Variants in FAM124A observed in about 807,000 individuals in gnomAD.
FAM124A encodes protein FAM124A.
Under a neutral mutation model 24.5 loss-of-function variants are expected in FAM124A, and 23 were observed. The ratio of observed to expected loss-of-function variants is 0.94; its 90% CI spans 0.68 to 1.33. FAM124A has a LOEUF of 1.33. Ranked by LOEUF, FAM124A falls within the 40% of genes most tolerant of loss-of-function variation. The probability of loss-of-function intolerance (pLI) is 0.00; values close to 1 mark genes in which losing one functional copy is unlikely to be tolerated. For synonymous variants in FAM124A, 287 were observed against 314.7 expected (o/e 0.91, Z 0.93); for missense variants, 623 against 722.8 (o/e 0.86, Z 1.58).
chr13:51,254,544 G>A (rs948299807), intron 3 of FAM124A, among the ~76,000 whole-genome samples: 8 of 152,288 alleles, frequency 5.3e-5, no homozygotes, highest in African/African-American at 1.9e-4. Context: ...GGTAGGGCAG[G>A]GAGGTAGGTG....
intron 2 of FAM124A, among the ~76,000 whole-genome samples, chr13:51,246,412 G>GGGC (rs1566165833): frequency 7.4e-6 from 1 of 135,060 alleles, no homozygotes; most frequent in Non-Finnish European, 1.7e-5. Flanking sequence ...GGTGGGGGGG[G>GGGC]GTGTAACTCT....
At chr13:51,241,901 G>A (rs1053239084) in intron 2 of FAM124A, among the ~76,000 whole-genome samples, 1 of 152,076 alleles carries the variant, frequency 6.6e-6, no homozygotes, top group Non-Finnish European at 1.5e-5. Flanking sequence ...GAGTTGCAAC[G>A]GCTAATCATT....
At chr13:51,236,316 T>A (rs1405574586) in intron 2 of FAM124A, among the ~76,000 whole-genome samples, 1 of 152,238 alleles carries the variant, frequency 6.6e-6, no homozygotes, top group Non-Finnish European at 1.5e-5. Context: ...TGGGAAGACA[T>A]CTCATCCCTT....
Position 51,282,766 on chromosome 13 carries a change from C to T in FAM124A, c.*1510C>T, listed in dbSNP as rs1954951986. The stretch of plus-strand genomic sequence containing the variant: ...GCTGAAGCTTCAAGTCTTTGCCATC[C>T]TTGTAATGACAGCCTTAGGCCTTGC... On this transcript the variant is annotated 3_prime_UTR_variant, in exon 4 of 4. Transcript: ENST00000322475. 1 of 152,216 alleles carries T rather than the reference C, an allele frequency of 6.6e-6. No individual in the cohort carries two copies. Among genetic ancestry groups the T allele is most frequent in the Non-Finnish European group, 1.5e-5 (1 of 68,036 alleles). The allele number at this position is 152,216 out of a possible 1,614,324, so 9.4% of individuals were successfully genotyped here.
At chr13:51,246,550 TG>T (rs1398269023) in intron 2 of FAM124A, among the ~76,000 whole-genome samples, 6 of 152,132 alleles carry the variant, frequency 3.9e-5, no homozygotes, top group Non-Finnish European at 5.9e-5. Context: ...TTAGCTCTTC[TG>T]GGGCAGGGTC....
rs543425043 is a variant in FAM124A, at chr13:51,237,640, T to C, written c.100+6261T>C. ...GTGTGGCCATGGCTGCAGAAACCAG[T>C]GAGAAACCACTGAAATGCTGTACAT... On this transcript the variant is annotated intron_variant, in intron 2 of 3. Transcript: ENST00000322475. 5.0e-4 allele frequency among the ~76,000 whole-genome samples: 76 copies of C among 152,320 alleles called. 1 individual carries two copies. Among genetic ancestry groups the C allele is most frequent in the Non-Finnish European group, 1.9e-4 (13 of 68,032 alleles).
intron 2 of FAM124A, among the ~76,000 whole-genome samples, chr13:51,235,264 C>A (rs1475711769): frequency 6.6e-6 from 1 of 152,048 alleles, no homozygotes; most frequent in Non-Finnish European, 1.5e-5. Flanking sequence ...TTCCAGAATC[C>A]TGTTTTTCCA....
At chr13:51,266,906 T>A (rs925531991) in intron 3 of FAM124A, among the ~76,000 whole-genome samples, 6 of 152,236 alleles carry the variant, frequency 3.9e-5, no homozygotes, top group African/African-American at 7.2e-5. Context: ...AGCCAATTTA[T>A]AGAGTGCCTG....
At chr13:51,238,926 A>G (rs770378853) in intron 2 of FAM124A, among the ~76,000 whole-genome samples, 1 of 152,228 alleles carries the variant, frequency 6.6e-6, no homozygotes, top group Non-Finnish European at 1.5e-5. Flanking sequence ...GCTGGCATCC[A>G]TTTCCAAAAA....
At chr13:51,225,727 G>A (rs1954308642) in intron 1 of FAM124A, among the ~76,000 whole-genome samples, 1 of 152,128 alleles carries the variant, frequency 6.6e-6, no homozygotes, top group Non-Finnish European at 1.5e-5. Flanking sequence ...GCGGGGTGGT[G>A]GAGGCAGGAG....
rs771192918 is a variant in FAM124A at position 51,251,667 on chromosome 13, G to A, written c.300G>A (p.Ala100=). 6 of 1,585,548 alleles carry A rather than the reference G, an allele frequency of 3.8e-6. No homozygotes were observed. In the East Asian group the frequency reaches 9.2e-5, roughly 24 times the overall value. Residue 100 remains alanine (A), a synonymous_variant, in exon 3 of 4, where the codon GCG becomes GCA. Transcript: ENST00000322475. The surrounding 1 kb of genome is among the most constrained non-coding windows in gnomAD (Gnocchi z 5.3). ...AGCCCCCCAAGGGCGCTCAGCCAGC[G>A]CTGGCTGTGGTGCTGTTCCTGCAGG... ...RRKPPKGAQP[A]LAVVLFLQEE...
At chr13:51,237,007 G>A (rs989321324) in intron 2 of FAM124A, among the ~76,000 whole-genome samples, 2 of 152,180 alleles carry the variant, frequency 1.3e-5, no homozygotes, top group African/African-American at 2.4e-5. Flanking sequence ...TGATTAGCAT[G>A]GAGTTGGCAG....
chr13:51,251,846 G>C lies in FAM124A; in HGVS notation c.479G>C (p.Trp160Ser), dbSNP rs759540288. 1.2e-6 allele frequency: 2 copies of C among 1,611,654 alleles called. No individual in the cohort carries two copies. The highest frequency in any genetic ancestry group is 2.2e-5 in the East Asian group (1 of 44,842). ...FFTLAPGTPLWAIRPVHYGKE... is the reference protein window; with the variant it reads ...FFTLAPGTPLSAIRPVHYGKE... ...ACGCTGGCCCCTGGGACGCCGCTTT[G>C]GGCCATCCGGCCCGTGCACTACGGC... is the stretch of plus-strand genomic sequence containing the variant. The change falls in exon 3 of 4, where the codon TGG becomes TCG. Residue 160 changes from tryptophan to serine, a missense_variant. Trp to Ser is a radical substitution (Grantham distance 177). Coordinates refer to ENST00000322475, the MANE Select transcript of FAM124A (RefSeq NM_001242312.2). The surrounding 1 kb of genome is among the most constrained non-coding windows in gnomAD (Gnocchi z 5.3).
At chr13:51,260,019 A>T (rs1593604011) in intron 3 of FAM124A, among the ~76,000 whole-genome samples, 2 of 152,136 alleles carry the variant, frequency 1.3e-5, no homozygotes, top group African/African-American at 4.8e-5. Flanking sequence ...CAGAGTGAGG[A>T]GGACCCCCCA....
chr13:51,259,656 A>G (rs1954713462), intron 3 of FAM124A, among the ~76,000 whole-genome samples: 1 of 152,028 alleles, frequency 6.6e-6, no homozygotes, highest in Non-Finnish European at 1.5e-5. Flanking sequence ...TCATTCTCAG[A>G]CACAGATGCC....
At chr13:51,271,951 G>T (rs1458243490) in intron 3 of FAM124A, among the ~76,000 whole-genome samples, 3 of 152,196 alleles carry the variant, frequency 2.0e-5, no homozygotes, top group Non-Finnish European at 4.4e-5. Flanking sequence ...ATCCTTTTCT[G>T]ATATGGTCAG....
rs369389901 is a variant in FAM124A at position 51,251,613 on chromosome 13, C to G, written c.246C>G (p.Ser82=). 1.3e-5 allele frequency: 20 copies of G among 1,573,354 alleles called. No individual in the cohort carries two copies. In the Admixed American group the frequency reaches 2.3e-4, roughly 18 times the overall value. Residue 82 remains serine (S), a synonymous_variant, in exon 3 of 4, where the codon TCC becomes TCG. Transcript: ENST00000322475. The surrounding 1 kb of genome is among the most constrained non-coding windows in gnomAD (Gnocchi z 5.3). ...CCGACCTCCCGCTGTTCCGGGTGTC[C>G]GAGAGGCGGGCGTCCCGGCGGCGGC... ...IHPDLPLFRV[S]ERRASRRRRK...
chr13:51,235,215 A>C (rs1482459661), intron 2 of FAM124A, among the ~76,000 whole-genome samples: 1 of 152,196 alleles, frequency 6.6e-6, no homozygotes, highest in African/African-American at 2.4e-5. Context: ...AGGAGATCTC[A>C]ATAAATCATA....
chr13:51,244,285 C>T (rs1954532836), intron 2 of FAM124A, among the ~76,000 whole-genome samples: 1 of 152,138 alleles, frequency 6.6e-6, no homozygotes, highest in African/African-American at 2.4e-5. Context: ...CTTAGCTACC[C>T]GGCTTACATC....
Sources: allele counts gnomAD v4.1 joint callset (sites outside exome capture counted in the v4.1 genomes callset), GRCh38; gene constraint gnomAD v4.1.1; non-coding constraint Gnocchi (gnomAD v3.1); transcripts MANE v1.5; gene names NCBI Gene and HGNC (gene_info 2026-07-23, HGNC 2026-07-21).